Variants in SYMPK observed in about 807,000 individuals in gnomAD.
The protein encoded by SYMPK is symplekin.
SYMPK carries 49 observed loss-of-function variants against 136.4 expected under a neutral mutation model. The ratio of observed to expected loss-of-function variants is 0.36; its 90% CI spans 0.29 to 0.46. The LOEUF is 0.46. Among genes scored for constraint, SYMPK ranks in the 20% least tolerant of loss-of-function variants. The pLI, the probability that SYMPK is intolerant of heterozygous loss-of-function variation, is 1.00. For missense variants in SYMPK, 1,365 were observed against 1,690.0 expected (o/e 0.81, Z 3.37); for synonymous variants, 766 against 713.0 (o/e 1.07, Z -1.19).
intron 1 of SYMPK, among the ~76,000 whole-genome samples, chr19:45,859,216 T>A (rs944878423): frequency 6.6e-6 from 1 of 151,958 alleles, no homozygotes; most frequent in African/African-American, 2.4e-5. Context: ...TCAGTATTCC[T>A]GCCCTTTCAC....
At chr19:45,845,436 A>G (rs187301428) in intron 7 of SYMPK, among the ~76,000 whole-genome samples, 28 of 152,274 alleles carry the variant, frequency 1.8e-4, no homozygotes, top group African/African-American at 6.0e-4. Flanking sequence ...GCTCTCACAA[A>G]TAAGTGAGAA....
At chr19:45,850,570 C>G (rs1971674930) in intron 5 of SYMPK, among the ~76,000 whole-genome samples, 1 of 152,284 alleles carries the variant, frequency 6.6e-6, no homozygotes, top group Admixed American at 6.5e-5. Context: ...AGGATAACCA[C>G]AGTATCCATC....
intron 11 of SYMPK, among the ~76,000 whole-genome samples, chr19:45,831,886 T>TA (rs35215829): frequency 0.12 from 18,308 of 152,148 alleles, 1,479 homozygotes; most frequent in East Asian, 0.35. Context: ...CAGGCTGGAG[T>TA]ACGGTGGTGC....
At chr19:45,825,888 A>G (rs1568610935) in intron 17 of SYMPK, among the ~76,000 whole-genome samples, 1 of 152,094 alleles carries the variant, frequency 6.6e-6, no homozygotes, top group Non-Finnish European at 1.5e-5. Flanking sequence ...TCATGGCCCA[A>G]GCCTTCCCAT....
chr19:45,824,479 T>C (rs758250184), intron 18 of SYMPK, among the ~76,000 whole-genome samples: 46 of 152,136 alleles, frequency 3.0e-4, no homozygotes, highest in Non-Finnish European at 6.2e-4. Context: ...TAAAAATCTG[T>C]TTCCTCCCAA....
At chr19:45,827,954 G>C (rs1971085760) in intron 14 of SYMPK, 36 bp from the exon 15 acceptor site, 1 of 1,603,954 alleles carries the variant, frequency 6.2e-7, no homozygotes, top group Non-Finnish European at 8.5e-7. Flanking sequence ...GGCTGCAGAG[G>C]AAGAGGCCGC....
chr19:45,842,301 G>A lies in SYMPK; in HGVS notation c.1036C>T (p.Arg346Cys). 17 of 1,614,194 alleles carry A rather than the reference G, an allele frequency of 1.1e-5. No individual in the cohort carries two copies. Among genetic ancestry groups the A allele is most frequent in the Admixed American group, 3.3e-5 (2 of 60,028 alleles). Residue 346 changes from arginine to cysteine, a missense_variant, in exon 9 of 27, where the codon CGC (arginine) becomes TGC (cysteine). Around this residue, in one of 11 missense-constraint regions of SYMPK, gnomAD observed 111 missense variants for 141.2 expected, o/e 0.79. Transcript: ENST00000245934. ...ARNMPSSKDT[R>C]KRPRDDSDST... ...TCCGAGTCATCGCGGGGCCGCTTGC[G>A]GGTGTCCTTGCTGCTCGGCATGTTG... is the stretch of plus-strand genomic sequence containing the variant.
At chr19:45,831,151 T>A in intron 12 of SYMPK, 1 of 372,622 alleles carries the variant, frequency 2.7e-6, no homozygotes, top group Non-Finnish European at 4.7e-6. Context: ...ATTATCCTAA[T>A]TTTAGACATA....
chr19:45,829,209 G>A lies in SYMPK; in HGVS notation c.1750-4C>T, dbSNP rs1971114987. 7 of 1,611,182 alleles carry A rather than the reference G, an allele frequency of 4.3e-6. No homozygotes were observed. Among genetic ancestry groups the A allele is most frequent in the Middle Eastern group, 1.7e-4 (1 of 6,050 alleles). On this transcript the variant is annotated splice_polypyrimidine_tract_variant and splice_region_variant and intron_variant, in intron 13 of 26. Coordinates refer to ENST00000245934, the MANE Select transcript of SYMPK (RefSeq NM_004819.3). ...TGGCCAGGATCTTTATGCGGACCTG[G>A]TGGGAGGGTGAGCCAGCATGTCAGT...
intron 10 of SYMPK, among the ~76,000 whole-genome samples, chr19:45,837,686 G>A (rs1224324874): frequency 6.6e-6 from 1 of 151,854 alleles, no homozygotes; most frequent in Non-Finnish European, 1.5e-5. Flanking sequence ...AAGGCAAGTG[G>A]AACTTAAATT....
intron 9 of SYMPK, among the ~76,000 whole-genome samples, chr19:45,841,986 TA>T (rs1568619873): frequency 6.6e-6 from 1 of 151,916 alleles, no homozygotes; most frequent in Non-Finnish European, 1.5e-5. Flanking sequence ...TACTGTAATT[TA>T]TTTTTATAAT....
At chr19:45,833,959 T>G (rs1020725280) in intron 11 of SYMPK, among the ~76,000 whole-genome samples, 1 of 150,488 alleles carries the variant, frequency 6.6e-6, no homozygotes, top group Non-Finnish European at 1.5e-5. Context: ...AGACCATCCT[T>G]GCTAACACGG....
chr19:45,824,666 G>A (rs1490384375), intron 18 of SYMPK, among the ~76,000 whole-genome samples: 1 of 152,214 alleles, frequency 6.6e-6, no homozygotes, highest in African/African-American at 2.4e-5. Context: ...AACTGGAAGA[G>A]CAGACCTTCT....
chr19:45,831,287 ACACACACGCACACGCACACG>A lies in SYMPK; in HGVS notation c.1598+77_1598+96del, dbSNP rs1463361446. 1.3e-5 allele frequency: 12 copies of A among 951,780 alleles called. No individual in the cohort carries two copies. In the African/African-American group the frequency reaches 2.0e-4, roughly 16 times the overall value. 59.0% of individuals were successfully genotyped at this position (951,780 alleles called of 1,614,324 possible). On this transcript the variant is annotated intron_variant, in intron 12 of 26. Transcript: ENST00000245934. ...CCTTCTGTCTGCATCTCAGTTACACACACACACGCACACGCACACGCACACGCACACGAGCTGAGAACCAG... is the reference window on the plus strand; with the variant it reads ...CCTTCTGTCTGCATCTCAGTTACACACACACGCACACGAGCTGAGAACCAG...
chr19:45,831,382 A>G lies in SYMPK; in HGVS notation c.1598+2T>C. 1 of 1,552,744 alleles carries G rather than the reference A, an allele frequency of 6.4e-7. No homozygotes were observed. Among genetic ancestry groups the G allele is most frequent in the South Asian group, 1.2e-5 (1 of 82,516 alleles). On this transcript the variant is annotated splice_donor_variant, in intron 12 of 26. Transcript: ENST00000245934. LOFTEE classifies it high-confidence loss of function. ...TGCCCTAGCACCCAGAAGAGGACTC[A>G]CCGGGGCTGAGTGACAGGGATAATG... is the stretch of plus-strand genomic sequence containing the variant.
At chr19:45,833,182 C>T (rs1296360910) in intron 11 of SYMPK, among the ~76,000 whole-genome samples, 1 of 147,688 alleles carries the variant, frequency 6.8e-6, no homozygotes, top group Non-Finnish European at 1.5e-5. Context: ...CAGCCTGGGC[C>T]ACAAGAGCAA....
chr19:45,828,743 T>C (rs1368462814), intron 14 of SYMPK: 1 of 577,500 alleles, frequency 1.7e-6, no homozygotes, highest in East Asian at 2.9e-5. Flanking sequence ...TCAGAGCAAG[T>C]GGCAGAGCTG....
chr19:45,823,380 G>A lies in SYMPK; in HGVS notation c.2692C>T (p.Leu898=), dbSNP rs1451695251. The change falls in exon 20 of 27, where the codon CTG becomes TTG. Residue 898 remains leucine, a synonymous_variant. Coordinates refer to ENST00000245934, the MANE Select transcript of SYMPK (RefSeq NM_004819.3). ...VRFLIPVLNG[L]EKKEVIQALP... ...GGCCTCCAGCTCCATACCTTCTCCA[G>A]CCCATTGAGCACCGGGATGAGGAAG... is the stretch of plus-strand genomic sequence containing the variant. 1.2e-6 allele frequency: 2 copies of A among 1,613,836 alleles called. No homozygotes were observed. The highest frequency in any genetic ancestry group is 1.7e-6 in the Non-Finnish European group (2 of 1,179,984).
chr19:45,835,045 C>A (rs552023983), intron 11 of SYMPK, 33 bp downstream of exon 11: 2 of 1,459,680 alleles, frequency 1.4e-6, no homozygotes. Context: ...AAGTGCCAAT[C>A]CCTGGCCCAG....
Sources: gnomAD v4.1 joint callset for allele counts (sites outside exome capture counted in the v4.1 genomes callset) on GRCh38, gnomAD v4.1.1 for gene constraint, gnomAD v4.1.1 regional missense constraint, MANE v1.5 for transcripts, NCBI Gene and HGNC (gene_info 2026-07-23, HGNC 2026-07-21) for gene names.